CFAP20DC: variants seen among roughly 807,000 people sequenced by gnomAD.
CFAP20DC encodes protein CFAP20DC.
CFAP20DC carries 84 observed loss-of-function variants against 101.7 expected under a neutral mutation model. The ratio of observed to expected loss-of-function variants is 0.83; its 90% CI spans 0.69 to 0.99. The LOEUF is 0.99. CFAP20DC is among the 50% of genes least tolerant of loss of function. CFAP20DC has a pLI of 0.00. For missense variants in CFAP20DC, 1,007 were observed against 970.3 expected, an observed-to-expected ratio of 1.04 and a Z score of -0.50; for synonymous variants, 359 against 351.2, an observed-to-expected ratio of 1.02 and a Z score of -0.25.
intron 5 of CFAP20DC, among the ~76,000 whole-genome samples, chr3:58,930,794 G>C (rs1198814761): frequency 1.3e-5 from 2 of 151,990 alleles, no homozygotes; most frequent in African/African-American, 4.8e-5. Context: ...TGGCAGCCAA[G>C]ATGGCCGAAT....
intron 15 of CFAP20DC, among the ~76,000 whole-genome samples, chr3:58,762,968 A>C (rs1214368846): frequency 6.6e-6 from 1 of 152,140 alleles, no homozygotes. Context: ...GCTGCCCTTA[A>C]CATTTTTTCC....
chr3:58,870,894 C>CAAAAAAAAAAAAAAAAAA (rs548763648), intron 7 of CFAP20DC, among the ~76,000 whole-genome samples: 1 of 18,950 alleles, frequency 5.3e-5, no homozygotes, highest in African/African-American at 1.0e-4. Flanking sequence ...GACTCCGTCT[C>CAAAAAAAAAAAAAAAAAA]AAAAAAAAAA....
At chr3:58,741,615 G>T (rs969532193), downstream of CFAP20DC, among the ~76,000 whole-genome samples, 1 of 151,910 alleles carries the variant, frequency 6.6e-6, no homozygotes, top group Admixed American at 6.6e-5. Context: ...TCCTGCCTCA[G>T]CCTCCTGAGT....
At chr3:58,976,111 A>C (rs896936976) in intron 4 of CFAP20DC, among the ~76,000 whole-genome samples, 2 of 152,218 alleles carry the variant, frequency 1.3e-5, no homozygotes, top group African/African-American at 4.8e-5. Context: ...TATACACCAC[A>C]TTATTTTTAA....
rs754785000 is a variant in CFAP20DC, at chr3:58,971,333, A to G, written c.279-33571T>C. Among the ~76,000 whole-genome samples, 15 of 152,160 alleles carry G rather than the reference A, an allele frequency of 9.9e-5. No individual in the cohort carries two copies. Among genetic ancestry groups the G allele is most frequent in the Non-Finnish European group, 1.9e-4 (13 of 68,012 alleles). On this transcript the variant is annotated intron_variant, in intron 4 of 16. Coordinates refer to ENST00000482387, the MANE Select transcript of CFAP20DC (RefSeq NM_001394063.1). The surrounding 1 kb of genome is among the most constrained non-coding windows in gnomAD (Gnocchi z 4.1). ...TTTATAGTCTTGAAAACTTTTTTTTAAAGTTTAAAATAAATTGCGCACCAA... is the reference window on the plus strand; with the variant it reads ...TTTATAGTCTTGAAAACTTTTTTTTGAAGTTTAAAATAAATTGCGCACCAA...
Position 58,894,983 on chromosome 3 carries a change from T to C in CFAP20DC, c.551-10274A>G, listed in dbSNP as rs1048474135. On this transcript the variant is annotated intron_variant, in intron 6 of 16. Transcript: ENST00000482387. The surrounding 1 kb of genome is among the most constrained non-coding windows in gnomAD (Gnocchi z 4.1). Reference sequence around the variant, plus strand: ...GCTCTATGTTGGCCCCTTGTAGCCATGGCTGGAGCAGCTGGGTCACAGGGC... The same window carrying C: ...GCTCTATGTTGGCCCCTTGTAGCCACGGCTGGAGCAGCTGGGTCACAGGGC... Among the ~76,000 whole-genome samples, 69 of 152,228 alleles carry C rather than the reference T, an allele frequency of 4.5e-4. No individual in the cohort carries two copies. The highest frequency in any genetic ancestry group is 4.3e-4 in the Non-Finnish European group (29 of 68,034).
intron 13 of CFAP20DC, among the ~76,000 whole-genome samples, chr3:58,843,129 G>C (rs1403290987): frequency 6.6e-6 from 1 of 152,210 alleles, no homozygotes; most frequent in East Asian, 1.9e-4. Flanking sequence ...AAGGAACACA[G>C]TTCCTCACCA....
intron 4 of CFAP20DC, among the ~76,000 whole-genome samples, chr3:58,951,622 C>G (rs1400722665): frequency 6.6e-6 from 1 of 152,098 alleles, no homozygotes; most frequent in Non-Finnish European, 1.5e-5. Context: ...ATGGATGAAG[C>G]TGGAAACCAT....
intron 15 of CFAP20DC, among the ~76,000 whole-genome samples, chr3:58,796,802 C>A (rs1273042257): frequency 6.6e-6 from 1 of 152,162 alleles, no homozygotes; most frequent in African/African-American, 2.4e-5. Flanking sequence ...AGCATGGGCT[C>A]ACTTTGTGTC....
At chr3:58,719,902 C>T (rs370943992) in intron 3 of CFAP20DC, among the ~76,000 whole-genome samples, 104 of 152,212 alleles carry the variant, frequency 6.8e-4, no homozygotes, top group East Asian at 7.7e-4. Context: ...CCCCTGTCCT[C>T]GGACAAGCCA....
chr3:59,013,180 C>T (rs561998830), intron 4 of CFAP20DC, among the ~76,000 whole-genome samples: 90 of 152,286 alleles, frequency 5.9e-4, no homozygotes, highest in Non-Finnish European at 1.2e-3. Context: ...TACATGACCA[C>T]GGCTAGCTAC....
At chr3:58,806,281 C>G in intron 15 of CFAP20DC, 114 bp downstream of exon 15, 1 of 717,174 alleles carries the variant, frequency 1.4e-6, no homozygotes, top group Non-Finnish European at 2.4e-6. Flanking sequence ...TTTGAAAGAA[C>G]ATAAGTTTGG....
chr3:58,908,744 A>G (rs970134653), intron 6 of CFAP20DC, among the ~76,000 whole-genome samples: 1 of 152,214 alleles, frequency 6.6e-6, no homozygotes, highest in Non-Finnish European at 1.5e-5. Context: ...GCCTGGAAGC[A>G]ATGAAGATGT....
intron 15 of CFAP20DC, among the ~76,000 whole-genome samples, chr3:58,762,897 G>T (rs548372246): frequency 3.3e-5 from 5 of 150,846 alleles, no homozygotes; most frequent in East Asian, 3.9e-4. Flanking sequence ...GAGTTTCTGC[G>T]GAGAAATCAG....
Position 58,868,066 on chromosome 3 carries a change from C to G in CFAP20DC, c.1016-130G>C, listed in dbSNP as rs1195141450. 9.5e-7 allele frequency: 1 copy of G among 1,054,938 alleles called. No individual in the cohort carries two copies. The highest frequency in any genetic ancestry group is 1.6e-5 in the African/African-American group (1 of 60,958). 65.3% of individuals were successfully genotyped at this position (1,054,938 alleles called of 1,614,324 possible). The stretch of plus-strand genomic sequence containing the variant: ...ATTTTGACATAATGTGAAGATACAT[C>G]AAAAATACAACTTCATAGAAAATAG... On this transcript the variant is annotated intron_variant, in intron 9 of 16. Coordinates refer to ENST00000482387, the MANE Select transcript of CFAP20DC (RefSeq NM_001394063.1). This position sits in a 1 kb window ranked among gnomAD's most constrained non-coding sequence, Gnocchi z 4.6.
intron 12 of CFAP20DC, among the ~76,000 whole-genome samples, chr3:58,857,628 G>T (rs2078940692): frequency 6.6e-6 from 1 of 152,114 alleles, no homozygotes; most frequent in Admixed American, 6.6e-5. Flanking sequence ...AGGCTTGTTT[G>T]CCTTGGCTGC....
At chr3:58,761,643 A>G (rs1477425403) in intron 15 of CFAP20DC, among the ~76,000 whole-genome samples, 2 of 152,214 alleles carry the variant, frequency 1.3e-5, no homozygotes, top group East Asian at 3.9e-4. Context: ...TGTCAATTTT[A>G]GATCTTTCTT....
chr3:58,735,504 C>G (rs1015385972), intron 3 of CFAP20DC, among the ~76,000 whole-genome samples: 4 of 152,206 alleles, frequency 2.6e-5, no homozygotes, highest in Non-Finnish European at 5.9e-5. Context: ...AATTCCCAAA[C>G]TGCTCATTCT....
intron 14 of CFAP20DC, among the ~76,000 whole-genome samples, chr3:58,817,135 T>A (rs1489767088): frequency 9.2e-5 from 14 of 151,714 alleles, no homozygotes; most frequent in Non-Finnish European, 1.8e-4. Flanking sequence ...CGAAAACCCA[T>A]CTGTACATCA....
Sources: gnomAD v4.1 joint callset for allele counts (sites outside exome capture counted in the v4.1 genomes callset) on GRCh38, gnomAD v4.1.1 for gene constraint, Gnocchi (gnomAD v3.1) non-coding constraint, MANE v1.5 for transcripts, NCBI Gene and HGNC (gene_info 2026-07-23, HGNC 2026-07-21) for gene names.